The following CDH23 variants were observed in gnomAD, a reference collection of about 807,000 sequenced individuals.
CDH23 encodes cadherin related 23.
CDH23 carries 189 observed loss-of-function variants against 317.1 expected under a neutral mutation model. That is an observed-to-expected ratio of 0.60 (90% confidence interval 0.53 to 0.67). The LOEUF (loss-of-function observed/expected upper bound fraction) is 0.67. Among genes scored for constraint, CDH23 ranks in the 30% least tolerant of loss-of-function variants. The pLI is 0.00. For synonymous variants in CDH23, 1,839 were observed against 1,876.8 expected (o/e 0.98, Z 0.52); for missense variants, 4,401 against 4,592.4 (o/e 0.96, Z 1.20).
rs570193629 is a variant in CDH23, at chr10:71,417,484, C to G, written c.-6+20166C>G. On this transcript the variant is annotated intron_variant, in intron 1 of 69. Coordinates refer to ENST00000224721, the MANE Select transcript of CDH23 (RefSeq NM_022124.6). ...CAATCAGTTTCAAAAGATTTTCGGT[C>G]ATTTTATTTTCAACTATTGCTTCTG... Among the ~76,000 whole-genome samples the G allele has an allele frequency of 1.0e-3, 159 of 152,332 alleles. 1 individual carries two copies. Among genetic ancestry groups the G allele is most frequent in the African/African-American group, 3.8e-3 (156 of 41,580 alleles).
chr10:71,400,496 G>C (rs969457456), intron 1 of CDH23, among the ~76,000 whole-genome samples: 1 of 152,000 alleles, frequency 6.6e-6, no homozygotes, highest in Admixed American at 6.5e-5. Context: ...GAAAATCAGT[G>C]AGTTCAAAAA....
intron 1 of CDH23, among the ~76,000 whole-genome samples, chr10:71,407,642 G>A (rs1444386452): frequency 1.3e-5 from 2 of 152,200 alleles, no homozygotes; most frequent in Non-Finnish European, 2.9e-5. Flanking sequence ...GAGCTCTTGG[G>A]TATTTCTGGC....
chr10:71,633,801 C>T (rs540856779), intron 11 of CDH23, among the ~76,000 whole-genome samples: 1 of 152,276 alleles, frequency 6.6e-6, no homozygotes, highest in Non-Finnish European at 1.5e-5. Flanking sequence ...ACAAAGCAGG[C>T]CAGCGCCAGT....
At chr10:71,733,543 G>A (rs909472902) in intron 32 of CDH23, among the ~76,000 whole-genome samples, 2 of 152,084 alleles carry the variant, frequency 1.3e-5, no homozygotes, top group Non-Finnish European at 2.9e-5. Flanking sequence ...CTATCACCTA[G>A]GAAATGCCAG....
intron 22 of CDH23, 35 bp from the exon 23 acceptor site, chr10:71,701,987 C>A (rs767344367): frequency 6.2e-7 from 1 of 1,608,674 alleles, no homozygotes; most frequent in South Asian, 1.1e-5. Context: ...TCCCCAGGCG[C>A]GGCTCAGTGA....
chr10:71,760,914 T>C (rs1840365091), intron 38 of CDH23: 1 of 1,613,702 alleles, frequency 6.2e-7, no homozygotes, highest in Non-Finnish European at 8.5e-7. Context: ...AGTTGGATGG[T>C]GCATCTTTGC....
chr10:71,452,920 A>G (rs1303937355), intron 3 of CDH23, among the ~76,000 whole-genome samples: 2 of 152,172 alleles, frequency 1.3e-5, no homozygotes, highest in Admixed American at 6.5e-5. Flanking sequence ...CTGGGCCTCC[A>G]TCTCTGTACC....
At chr10:71,617,856 G>C (rs1475018781) in intron 11 of CDH23, among the ~76,000 whole-genome samples, 4 of 152,082 alleles carry the variant, frequency 2.6e-5, no homozygotes, top group Non-Finnish European at 5.9e-5. Context: ...GCCGGGCGTG[G>C]TGGCGGGCAC....
At chr10:71,460,895 A>C (rs1284893073) in intron 3 of CDH23, among the ~76,000 whole-genome samples, 1 of 152,172 alleles carries the variant, frequency 6.6e-6, no homozygotes, top group Non-Finnish European at 1.5e-5. Flanking sequence ...CTGTGGACAC[A>C]TCTCTTTGGT....
intron 9 of CDH23, among the ~76,000 whole-genome samples, chr10:71,606,704 G>A (rs561796581): frequency 3.9e-5 from 6 of 152,294 alleles, no homozygotes; most frequent in Admixed American, 3.3e-4. Context: ...GAAGTGCTTT[G>A]AAAGAAATAA....
intron 9 of CDH23, among the ~76,000 whole-genome samples, chr10:71,583,248 G>A (rs1443622089): frequency 1.3e-5 from 2 of 151,842 alleles, no homozygotes; most frequent in Non-Finnish European, 2.9e-5. Context: ...GGGAGGCGGG[G>A]TGGGGGCGGG....
chr10:71,793,376 G>C lies in CDH23; in HGVS notation c.6448G>C (p.Gly2150Arg). Residue 2150 changes from glycine (G) to arginine (R), a missense_variant, in exon 48 of 70, where the codon GGC becomes CGC. By Grantham distance (125) the Gly-to-Arg change is moderately radical. Coordinates refer to ENST00000224721, the MANE Select transcript of CDH23 (RefSeq NM_022124.6). ...GCTAACGGTGGTGGCCACCGACCGG[G>C]GCACCGTTCCTCTCTCGGGCACAGC... Reference protein sequence around the residue: ...YRLTVVATDRGTVPLSGTAIV... With the variant: ...YRLTVVATDRRTVPLSGTAIV... 1 of 1,613,838 alleles carries C rather than the reference G, an allele frequency of 6.2e-7. No individual in the cohort carries two copies. The highest frequency in any genetic ancestry group is 2.2e-5 in the East Asian group (1 of 44,878).
At chr10:71,513,888 C>T (rs961525253) in intron 6 of CDH23, among the ~76,000 whole-genome samples, 1 of 152,160 alleles carries the variant, frequency 6.6e-6, no homozygotes, top group African/African-American at 2.4e-5. Flanking sequence ...CTGCTTCCAT[C>T]CATTCAATTC....
intron 6 of CDH23, among the ~76,000 whole-genome samples, chr10:71,542,171 G>C (rs557661256): frequency 3.3e-5 from 5 of 152,174 alleles, no homozygotes; most frequent in Non-Finnish European, 5.9e-5. Flanking sequence ...CAGGATCTTC[G>C]ATGTAGTTGA....
At chr10:71,796,493 C>T (rs764778379) in intron 48 of CDH23, among the ~76,000 whole-genome samples, 17 of 152,220 alleles carry the variant, frequency 1.1e-4, no homozygotes, top group South Asian at 2.1e-4. Context: ...AGTATCCAGA[C>T]GGTCCCACCA....
At chr10:71,447,385 C>A (rs1354698511) in intron 3 of CDH23, among the ~76,000 whole-genome samples, 1 of 152,116 alleles carries the variant, frequency 6.6e-6, no homozygotes, top group Non-Finnish European at 1.5e-5. Context: ...CAGTGGGGTG[C>A]CTTACGCGGG....
chr10:71,726,565 G>A (rs1866821659), intron 30 of CDH23, among the ~76,000 whole-genome samples: 1 of 152,234 alleles, frequency 6.6e-6, no homozygotes, highest in Non-Finnish European at 1.5e-5. Context: ...CTGCCCTGTG[G>A]AAATGGCTGA....
At chr10:71,447,912 A>G (rs566604170) in intron 3 of CDH23, among the ~76,000 whole-genome samples, 2 of 152,338 alleles carry the variant, frequency 1.3e-5, no homozygotes, top group South Asian at 2.1e-4. Flanking sequence ...AGCAGCACAC[A>G]GTGCATGTGT....
chr10:71,409,208 G>A (rs1386816599), intron 1 of CDH23, among the ~76,000 whole-genome samples: 1 of 152,184 alleles, frequency 6.6e-6, no homozygotes, highest in Non-Finnish European at 1.5e-5. Flanking sequence ...AGGGGCAGGG[G>A]ATTCCCTGGT....
Sources: allele counts gnomAD v4.1 joint callset (sites outside exome capture counted in the v4.1 genomes callset), GRCh38; gene constraint gnomAD v4.1.1; transcripts MANE v1.5; gene names NCBI Gene and HGNC (gene_info 2026-07-23, HGNC 2026-07-21).